Variants in PADI2 observed in about 807,000 individuals in gnomAD.
PADI2 encodes peptidyl arginine deiminase 2, also known as protein-arginine deiminase type-2.
Under a neutral mutation model 81.1 loss-of-function variants are expected in PADI2, and 70 were observed. The observed-to-expected ratio is 0.86, with a 90% CI of 0.71 to 1.05. The LOEUF is 1.05. PADI2 is among the 50% of genes least tolerant of loss of function. PADI2 has a pLI of 0.00. For missense variants in PADI2, 853 were observed against 889.9 expected (o/e 0.96, Z 0.53); for synonymous variants, 338 against 358.0 (o/e 0.94, Z 0.63).
chr1:17,088,178 G>A (rs1930537896), intron 6 of PADI2, among the ~76,000 whole-genome samples: 2 of 152,142 alleles, frequency 1.3e-5, no homozygotes, highest in African/African-American at 4.8e-5. Flanking sequence ...TTTGAGCAGA[G>A]GAAGGCAGCC....
chr1:17,100,763 G>A, intron 3 of PADI2, among the ~76,000 whole-genome samples: 1 of 150,762 alleles, frequency 6.6e-6, no homozygotes. Context: ...TTGGGTTCAA[G>A]CAATTCTCCT....
chr1:17,095,055 G>A lies in PADI2; in HGVS notation c.411+854C>T, dbSNP rs189566956. Among the ~76,000 whole-genome samples the A allele has an allele frequency of 5.3e-5, 8 of 152,302 alleles. No individual in the cohort carries two copies. In the East Asian group the frequency reaches 5.8e-4, roughly 11 times the overall value. ...CATCAGGCTGTGTTTATTTTACTTC[G>A]TAAGTACCCCTCTATGTATACTTTA... On this transcript the variant is annotated intron_variant, in intron 4 of 15. Coordinates refer to ENST00000375486, the MANE Select transcript of PADI2 (RefSeq NM_007365.3).
At chr1:17,075,923 A>T (rs3818031) in intron 11 of PADI2, 100 bp from the exon 12 acceptor site, 1 of 1,126,430 alleles carries the variant, frequency 8.9e-7, no homozygotes, top group Non-Finnish European at 1.3e-6. Flanking sequence ...ACCCAGAGTG[A>T]CATCAGCAGA....
chr1:17,101,593 A>C (rs1349755795), intron 3 of PADI2, among the ~76,000 whole-genome samples: 1 of 152,144 alleles, frequency 6.6e-6, no homozygotes, highest in Non-Finnish European at 1.5e-5. Context: ...CTTGGGACAG[A>C]AAGAGGGACA....
intron 1 of PADI2, among the ~76,000 whole-genome samples, chr1:17,112,523 TGG>T (rs5772747): frequency 3.4e-5 from 5 of 145,640 alleles, no homozygotes; most frequent in South Asian, 2.2e-4. Flanking sequence ...TAGAGGAGTC[TGG>T]GGGGGGGAGT....
chr1:17,085,964 C>T (rs765112446), intron 7 of PADI2, among the ~76,000 whole-genome samples: 2 of 152,306 alleles, frequency 1.3e-5, no homozygotes, highest in Middle Eastern at 3.4e-3. Context: ...GGGGGCTTCT[C>T]TAGAGGGACA....
At chr1:17,088,651 G>A (rs1165651915) in intron 6 of PADI2, among the ~76,000 whole-genome samples, 1 of 151,940 alleles carries the variant, frequency 6.6e-6, no homozygotes, top group Admixed American at 6.5e-5. Context: ...GCTCACGCCT[G>A]TAATCCCAGC....
Position 17,068,943 on chromosome 1 carries a change from C to T in PADI2, c.*101G>A. Reference sequence around the variant, plus strand: ...TTCCACCCCACGTCCCAAAGGTCTCCCAGCGGGGCTGTCCAGTCCATGTCA... The same window carrying T: ...TTCCACCCCACGTCCCAAAGGTCTCTCAGCGGGGCTGTCCAGTCCATGTCA... On this transcript the variant is annotated 3_prime_UTR_variant, in exon 16 of 16. Transcript: ENST00000375486. The T allele has an allele frequency of 1.1e-6, 1 of 918,300 alleles. No individual in the cohort carries two copies. Among genetic ancestry groups the T allele is most frequent in the Non-Finnish European group, 1.8e-6 (1 of 565,230 alleles). The allele number at this position is 918,300 out of a possible 1,614,324, so 56.9% of individuals were successfully genotyped here. A position where few individuals can be genotyped will look rare whatever the true frequency, so the allele number is the denominator to read the frequency against.
intron 10 of PADI2, among the ~76,000 whole-genome samples, chr1:17,081,988 C>T (rs1442724196): frequency 6.6e-6 from 1 of 152,152 alleles, no homozygotes. Flanking sequence ...TGGTGCATGC[C>T]TGTAATCCCA....
In PADI2 at chr1:17,075,795, C is replaced by A; in HGVS notation, c.1339G>T (p.Val447Leu). 1 of 1,613,930 alleles carries A rather than the reference C, an allele frequency of 6.2e-7. No homozygotes were observed. Among genetic ancestry groups the A allele is most frequent in the South Asian group, 1.1e-5 (1 of 91,064 alleles). Reference protein sequence around the residue: ...LSGGRRMTKVVRDFLKAQQVQ... With the variant: ...LSGGRRMTKVLRDFLKAQQVQ... ...TGCTGGGCCTTCAGGAAGTCACGCA[C>A]CACCTTGGTCATCCTCCGACCACCA... The change falls in exon 12 of 16, where the codon GTG becomes TTG. Residue 447 changes from valine (V) to leucine (L), a missense_variant. Physicochemically the swap from Val to Leu is conservative, Grantham distance 32. Transcript: ENST00000375486.
At chr1:17,103,087 A>G (rs780552728) in intron 2 of PADI2, 28 bp from the exon 3 acceptor site, 11 of 1,486,886 alleles carry the variant, frequency 7.4e-6, no homozygotes, top group African/African-American at 6.9e-5. Context: ...ACATTGGAGT[A>G]GAGAGAAAAG....
At chr1:17,073,140 G>A (rs1317943173) in intron 13 of PADI2, among the ~76,000 whole-genome samples, 1 of 152,140 alleles carries the variant, frequency 6.6e-6, no homozygotes, top group Non-Finnish European at 1.5e-5. Context: ...AAAATAGGCC[G>A]AGCATGGTGG....
At chr1:17,106,507 A>G (rs1931380252) in intron 1 of PADI2, among the ~76,000 whole-genome samples, 2 of 151,104 alleles carry the variant, frequency 1.3e-5, no homozygotes, top group East Asian at 3.9e-4. Flanking sequence ...CAGTGGTGCA[A>G]TCTCAGCTCA....
intron 4 of PADI2, among the ~76,000 whole-genome samples, chr1:17,095,062 C>G (rs1370179317): frequency 6.6e-6 from 1 of 152,192 alleles, no homozygotes. Context: ...TTCGTAAGTA[C>G]CCCTCTATGT....
intron 12 of PADI2, chr1:17,075,169 A>G (rs940071924): frequency 4.2e-6 from 2 of 476,560 alleles, no homozygotes; most frequent in African/African-American, 4.0e-5. Flanking sequence ...CTCAGAGTCA[A>G]AGGTGGACTT....
At chr1:17,111,340 C>G (rs1488683035) in intron 1 of PADI2, among the ~76,000 whole-genome samples, 1 of 151,980 alleles carries the variant, frequency 6.6e-6, no homozygotes, top group Non-Finnish European at 1.5e-5. Context: ...AGTGATCTGC[C>G]CGCCTCAGCC....
chr1:17,093,715 T>C (rs1016853926), intron 4 of PADI2, 31 bp from the exon 5 acceptor site: 2 of 1,309,042 alleles, frequency 1.5e-6, no homozygotes, highest in African/African-American at 2.9e-5. Context: ...GTCAGTGCCC[T>C]CTTCTCTATG....
At chr1:17,070,957 C>A (rs541809394) in intron 14 of PADI2, among the ~76,000 whole-genome samples, 126 of 152,186 alleles carry the variant, frequency 8.3e-4, no homozygotes, top group African/African-American at 3.0e-3. Context: ...CCACCAGGCC[C>A]GGCCAAAGTT....
At position 17,115,480 on chromosome 1, in the gene PADI2, C is replaced by G. The variant is rs1931724079; in HGVS notation, c.92+3800G>C. On this transcript the variant is annotated intron_variant, in intron 1 of 15. Coordinates refer to ENST00000375486, the MANE Select transcript of PADI2 (RefSeq NM_007365.3). This position sits in a 1 kb window ranked among gnomAD's most constrained non-coding sequence, Gnocchi z 4.1. ...ACAGAGGCATAAGCCGAGGGAGGAA[C>G]AGAAGAAGCCATTCCCAAGGCCCAG... 6.6e-6 allele frequency among the ~76,000 whole-genome samples: 1 copy of G among 152,244 alleles called. No individual in the cohort carries two copies. Among genetic ancestry groups the G allele is most frequent in the Admixed American group, 6.5e-5 (1 of 15,292 alleles).
Sources: gnomAD v4.1 joint callset for allele counts (sites outside exome capture counted in the v4.1 genomes callset) on GRCh38, gnomAD v4.1.1 for gene constraint, Gnocchi (gnomAD v3.1) non-coding constraint, MANE v1.5 for transcripts, NCBI Gene and HGNC (gene_info 2026-07-23, HGNC 2026-07-21) for gene names.